AGAP3: variants seen among roughly 807,000 people sequenced by gnomAD.
AGAP3 encodes ArfGAP with GTPase domain, ankyrin repeat and PH domain 3.
In AGAP3, 24 loss-of-function variants were observed where a neutral mutation model predicts 96.9. The observed-to-expected ratio is 0.25, with a 90% confidence interval of 0.18 to 0.35. The LOEUF is 0.35. Ranked by LOEUF, AGAP3 falls within the 10% of genes least tolerant of loss-of-function variation. The pLI is 1.00. For missense variants in AGAP3, 876 were observed against 1,254.2 expected, an observed-to-expected ratio of 0.70 and a Z score of 4.55; for synonymous variants, 563 against 536.1, an observed-to-expected ratio of 1.05 and a Z score of -0.69.
chr7:151,134,555 G>A lies in AGAP3; in HGVS notation c.1482G>A (p.Leu494=). 4 of 1,610,748 alleles carry A rather than the reference G, an allele frequency of 2.5e-6. No homozygotes were observed. The highest frequency in any genetic ancestry group is 3.4e-6 in the Non-Finnish European group (4 of 1,178,626). The change falls in exon 11 of 18, where the codon CTG becomes CTA. Residue 494 remains leucine, a synonymous_variant. Transcript: ENST00000397238. ...CCGTGGAGCGGAGTAACACACAGCT[G>A]GGTGGGGGCACAGGTGAGGCGGCTG... ...GLSVERSNTQ[L]GGGTGAPHSA... is the part of the protein sequence containing the mutation.
chr7:151,143,566 C>G lies in AGAP3; in HGVS notation c.2499C>G (p.Ala833=), dbSNP rs1431857240. The G allele has an allele frequency of 5.7e-5, 91 of 1,608,562 alleles. No individual in the cohort carries two copies. Among genetic ancestry groups the G allele is most frequent in the Non-Finnish European group, 7.7e-5 (90 of 1,176,232 alleles). ...RTALHLSSAM[A]NVVFTQLLIW... is the part of the protein sequence containing the mutation. The stretch of plus-strand genomic sequence containing the variant: ...CTCTACATCTCTCCAGTGCCATGGC[C>G]AACGTTGTCTTCACGCAGCTGCTCA... The change falls in exon 17 of 18, where the codon GCC becomes GCG. Residue 833 remains alanine (A), a synonymous_variant. Transcript: ENST00000397238. The surrounding 1 kb of genome is among the most constrained non-coding windows in gnomAD (Gnocchi z 5.9).
intron 8 of AGAP3, 51 bp from the exon 9 acceptor site, chr7:151,123,743 C>G: frequency 6.2e-7 from 1 of 1,602,884 alleles, no homozygotes; most frequent in Non-Finnish European, 8.5e-7. Context: ...AGGTGGGCAG[C>G]TCTCGGCAGA....
At chr7:151,094,344 G>A (rs543858091) in intron 1 of AGAP3, among the ~76,000 whole-genome samples, 14 of 152,054 alleles carry the variant, frequency 9.2e-5, no homozygotes, top group African/African-American at 3.4e-4. Flanking sequence ...AGACTCTGGG[G>A]TCGGCACATT....
In AGAP3 at chr7:151,142,454, T is replaced by C; in HGVS notation, c.2093T>C (p.Ile698Thr). The C allele has an allele frequency of 6.2e-7, 1 of 1,614,022 alleles. No homozygotes were observed. ...ASLNLGALMC[I>T]ECSGIHRHLG... Reference sequence around the variant, plus strand: ...CTGAACCTGGGTGCCCTGATGTGCATTGAGTGCTCAGGCATCCACCGACAC... The same window carrying C: ...CTGAACCTGGGTGCCCTGATGTGCACTGAGTGCTCAGGCATCCACCGACAC... The change falls in exon 16 of 18, where the codon ATT (isoleucine) becomes ACT (threonine). Residue 698 changes from isoleucine to threonine, a missense_variant. Around this residue, in one of 8 missense-constraint regions of AGAP3, gnomAD observed 103 missense variants for 183.0 expected, o/e 0.56. Transcript: ENST00000397238. The surrounding 1 kb of genome is among the most constrained non-coding windows in gnomAD (Gnocchi z 7.5).
intron 12 of AGAP3, among the ~76,000 whole-genome samples, chr7:151,138,804 G>T (rs1032144853): frequency 6.6e-6 from 1 of 152,164 alleles, no homozygotes; most frequent in South Asian, 2.1e-4. Flanking sequence ...CATCTCGCCC[G>T]CTACTGTGGA....
chr7:151,098,733 C>CTTTTTTTTTT (rs34617813), intron 1 of AGAP3, among the ~76,000 whole-genome samples: 1 of 116,114 alleles, frequency 8.6e-6, no homozygotes, highest in African/African-American at 3.3e-5. Context: ...ATTTTCTTTT[C>CTTTTTTTTTT]TTTTTTTTTT....
rs1033144668 is a variant in AGAP3, at chr7:151,123,557, C to T, written c.1129-237C>T. ...CGCCCTCGGCCTCTCTGTCCTTGCT[C>T]TTTTGTAAGGGGCGGGCCCGGCTCA... On this transcript the variant is annotated intron_variant, in intron 8 of 17. Coordinates refer to ENST00000397238, the MANE Select transcript of AGAP3 (RefSeq NM_031946.7). 10 of 1,350,282 alleles carry T rather than the reference C, an allele frequency of 7.4e-6. No individual in the cohort carries two copies. In the East Asian group the frequency reaches 2.5e-4, roughly 34 times the overall value. The allele number at this position is 1,350,282 out of a possible 1,614,324, so 83.6% of individuals were successfully genotyped here.
chr7:151,140,163 G>A lies in AGAP3; in HGVS notation c.1804+47G>A. On this transcript the variant is annotated intron_variant, in intron 13 of 17. Transcript: ENST00000397238. This position sits in a 1 kb window ranked among gnomAD's most constrained non-coding sequence, Gnocchi z 5.4. The stretch of plus-strand genomic sequence containing the variant: ...ACCGGGCACAGGAGGTGGGCAGTGG[G>A]ACTTGGGGATAGTACCCTAAAAGTA... 7 of 1,491,804 alleles carry A rather than the reference G, an allele frequency of 4.7e-6. No homozygotes were observed. The highest frequency in any genetic ancestry group is 6.3e-6 in the Non-Finnish European group (7 of 1,119,862). The allele number at this position is 1,491,804 out of a possible 1,614,324, so 92.4% of individuals were successfully genotyped here.
At position 151,143,800 on chromosome 7, in the gene AGAP3, G is replaced by A; in HGVS notation, c.2593G>A (p.Ala865Thr). 6.2e-7 allele frequency: 1 copy of A among 1,614,132 alleles called. No homozygotes were observed. The highest frequency in any genetic ancestry group is 8.5e-7 in the Non-Finnish European group (1 of 1,180,046). ...GLTPLAYARR[A>T]GSQECADILI... is the part of the protein sequence containing the mutation. Reference sequence around the variant, plus strand: ...GACTCCACTGGCATATGCTCGCCGGGCCGGCAGCCAGGAGTGTGCAGACAT... The same window carrying A: ...GACTCCACTGGCATATGCTCGCCGGACCGGCAGCCAGGAGTGTGCAGACAT... Residue 865 changes from alanine (A) to threonine (T), a missense_variant, in exon 18 of 18, where the codon GCC becomes ACC. Ala to Thr is a moderately conservative substitution (Grantham distance 58, BLOSUM62 0). This residue lies in a region of AGAP3 where 213 missense variants were observed against 253.8 expected (regional missense o/e 0.84). Coordinates refer to ENST00000397238, the MANE Select transcript of AGAP3 (RefSeq NM_031946.7). This position sits in a 1 kb window ranked among gnomAD's most constrained non-coding sequence, Gnocchi z 5.9.
chr7:151,134,750 C>T (rs1307730583), intron 11 of AGAP3, among the ~76,000 whole-genome samples, 182 bp downstream of exon 11: 1 of 152,202 alleles, frequency 6.6e-6, no homozygotes, highest in Non-Finnish European at 1.5e-5. Context: ...GTTGAGGTGA[C>T]AGCAAATGCC....
chr7:151,091,229 G>A (rs959554108), intron 1 of AGAP3, among the ~76,000 whole-genome samples: 1 of 152,230 alleles, frequency 6.6e-6, no homozygotes, highest in African/African-American at 2.4e-5. Context: ...AGGACTGGGG[G>A]GGTCTGGGAT....
Position 151,138,200 on chromosome 7 carries a change from C to T in AGAP3, c.1553C>T (p.Ser518Leu), listed in dbSNP as rs769384515. 1.1e-5 allele frequency: 17 copies of T among 1,610,656 alleles called. No individual in the cohort carries two copies. The highest frequency in any genetic ancestry group is 1.6e-4 in the Middle Eastern group (1 of 6,074). The change falls in exon 12 of 18, where the codon TCG becomes TTG. Residue 518 changes from serine (S) to leucine (L), a missense_variant. Physicochemically the swap from Ser to Leu is moderately radical, Grantham distance 145. Coordinates refer to ENST00000397238, the MANE Select transcript of AGAP3 (RefSeq NM_031946.7). ...CACTCTGAGCGCCCCCTCAGCAGCTCGGCCTGGGCTGGCCCGCGCCCTGAG... is the reference window on the plus strand; with the variant it reads ...CACTCTGAGCGCCCCCTCAGCAGCTTGGCCTGGGCTGGCCCGCGCCCTGAG... The part of the protein sequence containing the change: ...SLHSERPLSS[S>L]AWAGPRPEGL...
chr7:151,109,449 G>T (rs142733087), intron 1 of AGAP3, among the ~76,000 whole-genome samples: 2 of 152,164 alleles, frequency 1.3e-5, no homozygotes, highest in Non-Finnish European at 2.9e-5. Flanking sequence ...GGAGAGATCC[G>T]CCCCACACCT....
intron 9 of AGAP3, among the ~76,000 whole-genome samples, chr7:151,126,900 A>G (rs1259493812): frequency 6.6e-6 from 1 of 152,218 alleles, no homozygotes; most frequent in Admixed American, 6.5e-5. Context: ...GTGTCTGCAC[A>G]TGGCCATGTA....
At chr7:151,089,973 CT>C (rs1798320600) in intron 1 of AGAP3, 1 of 152,268 alleles carries the variant, frequency 6.6e-6, no homozygotes, top group Non-Finnish European at 1.5e-5. Context: ...TGGCACTCAC[CT>C]GCAGTGAGCG....
chr7:151,094,476 TAAG>T (rs1798519694), intron 1 of AGAP3, among the ~76,000 whole-genome samples: 1 of 147,244 alleles, frequency 6.8e-6, no homozygotes, highest in Non-Finnish European at 1.5e-5. Flanking sequence ...ATCTGATACG[TAAG>T]AAAAAAAAAA....
chr7:151,104,279 T>C (rs1198521757), intron 1 of AGAP3, among the ~76,000 whole-genome samples: 4 of 152,192 alleles, frequency 2.6e-5, no homozygotes, highest in Non-Finnish European at 5.9e-5. Flanking sequence ...AGTGTCGCCC[T>C]TGTGTCATGG....
rs1800486501 is a variant in AGAP3 at position 151,133,728 on chromosome 7, A to G, written c.1327-672A>G. Among the ~76,000 whole-genome samples, 1 of 152,200 alleles carries G rather than the reference A, an allele frequency of 6.6e-6. No individual in the cohort carries two copies. The highest frequency in any genetic ancestry group is 6.5e-5 in the Admixed American group (1 of 15,290). ...CAGGTGGTGAAGATTACGCGAGGCT[A>G]TACGTGGAATGTATAAATACACTGC... On this transcript the variant is annotated intron_variant, in intron 10 of 17. Transcript: ENST00000397238. The surrounding 1 kb of genome is among the most constrained non-coding windows in gnomAD (Gnocchi z 5.4).
In AGAP3 at chr7:151,096,904, AAGGCACATGCCTTGGGATTAC is replaced by A. The variant is rs1244094463; in HGVS notation, c.331+9844_331+9864del. On this transcript the variant is annotated intron_variant, in intron 1 of 17. Transcript: ENST00000397238. The surrounding 1 kb of genome is among the most constrained non-coding windows in gnomAD (Gnocchi z 4.4). Reference sequence around the variant, plus strand: ...AGCAATTCTCGTGCCTCAGCCTCCCAAGGCACATGCCTTGGGATTACAGGCACATGCCACCATGTCTGGCTA... The same window carrying A: ...AGCAATTCTCGTGCCTCAGCCTCCCAAGGCACATGCCACCATGTCTGGCTA... Among the ~76,000 whole-genome samples the A allele has an allele frequency of 6.6e-5, 10 of 152,028 alleles. No homozygotes were observed. The highest frequency in any genetic ancestry group is 3.2e-3 in the Middle Eastern group (1 of 316).
Sources: allele counts gnomAD v4.1 joint callset (sites outside exome capture counted in the v4.1 genomes callset), GRCh38; gene constraint gnomAD v4.1.1; regional missense constraint gnomAD v4.1.1; non-coding constraint Gnocchi (gnomAD v3.1); transcripts MANE v1.5; gene names NCBI Gene and HGNC (gene_info 2026-07-23, HGNC 2026-07-21).